ADGRL3: variants seen among roughly 807,000 people sequenced by gnomAD.
The protein encoded by ADGRL3 is adhesion G protein-coupled receptor L3.
A neutral mutation model predicts 153.5 loss-of-function variants in ADGRL3; 62 were observed. The ratio of observed to expected loss-of-function variants is 0.40; its 90% CI spans 0.33 to 0.50. ADGRL3 has a LOEUF of 0.50. ADGRL3 is among the 20% of genes least tolerant of loss of function. ADGRL3 has a pLI of 0.47. For missense variants in ADGRL3, 1,641 were observed against 1,859.4 expected, an observed-to-expected ratio of 0.88 and a Z score of 2.16; for synonymous variants, 710 against 672.5, an observed-to-expected ratio of 1.06 and a Z score of -0.86.
At chr4:61,844,575 A>AATATATATATATATAT (rs57750929) in intron 9 of ADGRL3, among the ~76,000 whole-genome samples, 269 of 18,052 alleles carry the variant, frequency 0.015, 5 homozygotes, top group Middle Eastern at 0.12. Flanking sequence ...AAAAAAAAAA[A>AATATATATATATATAT]ATATATATAT....
Position 61,899,598 on chromosome 4 carries a change from C to T in ADGRL3, c.1887+3764C>T, listed in dbSNP as rs115572843. Among the ~76,000 whole-genome samples the T allele has an allele frequency of 6.2e-3, 950 of 152,168 alleles. 16 individuals carry two copies. The highest frequency in any genetic ancestry group is 0.022 in the African/African-American group (906 of 41,516). The stretch of plus-strand genomic sequence containing the variant: ...CTCAGGGATTTTGTGAATTAATGTA[C>T]CCTGAAGGGTGAACCACTTCTTTCT... On this transcript the variant is annotated intron_variant, in intron 11 of 26. Coordinates refer to ENST00000683033, the MANE Select transcript of ADGRL3 (RefSeq NM_001387552.1).
chr4:61,474,142 A>T (rs571893573), intron 2 of ADGRL3, among the ~76,000 whole-genome samples: 9 of 152,290 alleles, frequency 5.9e-5, no homozygotes, highest in African/African-American at 2.2e-4. Context: ...AGCAGACAGA[A>T]CATTTTAGAA....
In ADGRL3 at chr4:61,432,626, CTTTCTTTCTTTCTTTCTTTCTTTCTT is replaced by C. The variant is rs1310026358; in HGVS notation, c.-174+49439_-174+49464del. ...TCTTTCTTTCTTTCTTTCTTTCTTTCTTTCTTTCTTTCTTTCTTTCTTTCTTTCTTTTTTTTTTTTTTTTGAGACAG... is the reference window on the plus strand; with the variant it reads ...TCTTTCTTTCTTTCTTTCTTTCTTTCTCTTTTTTTTTTTTTTTTGAGACAG... On this transcript the variant is annotated intron_variant, in intron 2 of 26. Transcript: ENST00000683033. Among the ~76,000 whole-genome samples, 7 of 62,778 alleles carry C rather than the reference CTTTCTTTCTTTCTTTCTTTCTTTCTT, an allele frequency of 1.1e-4. 1 individual carries two copies. Among genetic ancestry groups the C allele is most frequent in the African/African-American group, 3.8e-4 (6 of 15,998 alleles). 41.2% of individuals were successfully genotyped at this position (62,778 alleles called of 152,430 possible).
intron 8 of ADGRL3, among the ~76,000 whole-genome samples, chr4:61,750,625 A>C (rs918089494): frequency 2.0e-5 from 3 of 151,994 alleles, no homozygotes; most frequent in Non-Finnish European, 4.4e-5. Context: ...CCCCGTCTCT[A>C]CTAAAAATAC....
At chr4:61,271,054 GTGTTCTTAAAAAAAT>G (rs2093145641) in intron 1 of ADGRL3, among the ~76,000 whole-genome samples, 1 of 151,778 alleles carries the variant, frequency 6.6e-6, no homozygotes, top group Non-Finnish European at 1.5e-5. Flanking sequence ...GAAGGTATTA[GTGTTCTTAAAAAAAT>G]AATAGTAACA....
intron 10 of ADGRL3, among the ~76,000 whole-genome samples, chr4:61,893,388 A>G (rs1456039994): frequency 1.3e-5 from 2 of 152,042 alleles, no homozygotes; most frequent in Non-Finnish European, 2.9e-5. Context: ...GCTTTTCTAT[A>G]CAGCAGTCCA....
At chr4:61,582,640 AT>A (rs1260767932) in intron 4 of ADGRL3, among the ~76,000 whole-genome samples, 1 of 151,112 alleles carries the variant, frequency 6.6e-6, no homozygotes, top group African/African-American at 2.5e-5. Flanking sequence ...AGAGCAATGC[AT>A]GAAAAAAAAA....
intron 18 of ADGRL3, among the ~76,000 whole-genome samples, chr4:61,982,425 G>A (rs2099071683): frequency 6.6e-6 from 1 of 152,064 alleles, no homozygotes; most frequent in Non-Finnish European, 1.5e-5. Context: ...TCATCTTTGT[G>A]ACCCAAAATT....
At chr4:61,651,623 T>C (rs184506872) in intron 5 of ADGRL3, among the ~76,000 whole-genome samples, 7 of 152,166 alleles carry the variant, frequency 4.6e-5, no homozygotes, top group East Asian at 3.9e-4. Flanking sequence ...TTCTGTTTTT[T>C]TTTGAGACGG....
intron 8 of ADGRL3, among the ~76,000 whole-genome samples, chr4:61,744,238 G>C (rs1408798694): frequency 3.3e-5 from 5 of 152,200 alleles, no homozygotes; most frequent in African/African-American, 1.2e-4. Context: ...GCCCAACACA[G>C]CTCAAGGAGG....
chr4:61,558,580 G>T (rs1005810352), intron 4 of ADGRL3, among the ~76,000 whole-genome samples: 1 of 151,468 alleles, frequency 6.6e-6, no homozygotes, highest in Admixed American at 6.6e-5. Context: ...TCATTGATCT[G>T]TCTATATAAC....
chr4:61,667,529 C>T (rs1341878289), intron 5 of ADGRL3, among the ~76,000 whole-genome samples: 1 of 152,076 alleles, frequency 6.6e-6, no homozygotes, highest in East Asian at 1.9e-4. Context: ...AACACTGAAA[C>T]ATTAATTTAA....
chr4:61,220,112 CAAAAA>C (rs71211371), intron 1 of ADGRL3, among the ~76,000 whole-genome samples: 10 of 135,758 alleles, frequency 7.4e-5, no homozygotes, highest in Non-Finnish European at 1.1e-4. Flanking sequence ...AAATCTGTCT[CAAAAA>C]AAAAAAAAAA....
At chr4:61,742,281 A>C (rs6834827) in intron 8 of ADGRL3, among the ~76,000 whole-genome samples, 54,013 of 151,350 alleles carry the variant, frequency 0.36, 10,994 homozygotes, top group African/African-American at 0.55. Flanking sequence ...TCTTCTTCTT[A>C]TTATTATTAT....
chr4:61,630,624 A>G (rs1335553089), intron 5 of ADGRL3, among the ~76,000 whole-genome samples: 1 of 152,184 alleles, frequency 6.6e-6, no homozygotes, highest in Non-Finnish European at 1.5e-5. Context: ...CAAATGGCCA[A>G]CTTTCTCATA....
chr4:61,280,652 T>C (rs2093687081), intron 1 of ADGRL3, among the ~76,000 whole-genome samples: 1 of 152,140 alleles, frequency 6.6e-6, no homozygotes, highest in Non-Finnish European at 1.5e-5. Flanking sequence ...CTTTCTAAAT[T>C]ACAAGATTGT....
chr4:61,495,016 C>G (rs1211144001), intron 2 of ADGRL3, among the ~76,000 whole-genome samples: 2 of 152,088 alleles, frequency 1.3e-5, no homozygotes, highest in Non-Finnish European at 2.9e-5. Context: ...AATTTTAACT[C>G]ATTTAATGTT....
intron 19 of ADGRL3, among the ~76,000 whole-genome samples, chr4:61,989,209 A>G (rs1288807440): frequency 6.6e-6 from 1 of 152,108 alleles, no homozygotes; most frequent in Non-Finnish European, 1.5e-5. Flanking sequence ...TATGCAAGTT[A>G]TATGCATAGA....
chr4:61,237,055 C>T (rs1180756417), intron 1 of ADGRL3, among the ~76,000 whole-genome samples: 6 of 151,924 alleles, frequency 3.9e-5, no homozygotes, highest in Non-Finnish European at 4.4e-5. Flanking sequence ...GTGGTAGTCC[C>T]AATTCATATT....
Sources: allele counts gnomAD v4.1 joint callset (sites outside exome capture counted in the v4.1 genomes callset), GRCh38; gene constraint gnomAD v4.1.1; transcripts MANE v1.5; gene names NCBI Gene and HGNC (gene_info 2026-07-23, HGNC 2026-07-21).